The following WNK1 variants were observed in gnomAD, a reference collection of about 807,000 sequenced individuals.
WNK1 encodes serine/threonine-protein kinase WNK1.
In WNK1, 38 loss-of-function variants were observed where a neutral mutation model predicts 222.8. That is an observed-to-expected ratio of 0.17 (90% CI 0.13 to 0.22). WNK1 has a LOEUF of 0.22. Among genes scored for constraint, WNK1 ranks in the 10% least tolerant of loss-of-function variants. The pLI is 1.00. For synonymous variants in WNK1, 1,090 were observed against 1,092.9 expected, an observed-to-expected ratio of 1.00 and a Z score of 0.05; for missense variants, 2,348 against 2,918.4, an observed-to-expected ratio of 0.80 and a Z score of 4.50.
intron 8 of WNK1, chr12:868,826 G>T: frequency 6.2e-7 from 1 of 1,614,028 alleles, no homozygotes; most frequent in South Asian, 1.1e-5. Context: ...GACCGTTTCT[G>T]TGGTAGAGCC....
chr12:836,565 G>A (rs1378160761), intron 4 of WNK1, among the ~76,000 whole-genome samples: 2 of 152,128 alleles, frequency 1.3e-5, no homozygotes, highest in Non-Finnish European at 2.9e-5. Flanking sequence ...GCTCATATTT[G>A]CACAGAAGTT....
chr12:784,373 C>G (rs1043540812), intron 1 of WNK1, among the ~76,000 whole-genome samples: 3 of 152,102 alleles, frequency 2.0e-5, no homozygotes, highest in Non-Finnish European at 4.4e-5. Context: ...AACAGCCTTT[C>G]CCTACCATCT....
At chr12:823,784 T>C (rs1415000972) in intron 2 of WNK1, among the ~76,000 whole-genome samples, 1 of 152,192 alleles carries the variant, frequency 6.6e-6, no homozygotes, top group Admixed American at 6.5e-5. Context: ...AAGAACTGAT[T>C]AAGAGCTCTG....
At chr12:893,651 G>A (rs902413515) in intron 22 of WNK1, among the ~76,000 whole-genome samples, 4 of 151,350 alleles carry the variant, frequency 2.6e-5, no homozygotes, top group Admixed American at 6.6e-5. Flanking sequence ...GTGAAACCCC[G>A]TCTCTACTAA....
intron 15 of WNK1, 40 bp downstream of exon 15, chr12:883,099 T>G: frequency 7.3e-7 from 1 of 1,376,032 alleles, no homozygotes; most frequent in South Asian, 1.2e-5. Context: ...TCCTTAGTAC[T>G]TGATCTTAAT....
rs995060350 is a variant in WNK1, at chr12:761,630, G to A, written c.759+7306G>A. ...AAACAGTGAGAGATGAAATTAATTA[G>A]TGAATCAAATGATTAATGTGCACAT... On this transcript the variant is annotated intron_variant, in intron 1 of 27. Transcript: ENST00000315939. 2.0e-5 allele frequency among the ~76,000 whole-genome samples: 3 copies of A among 147,666 alleles called. 1 individual carries two copies. Among genetic ancestry groups the A allele is most frequent in the Admixed American group, 1.3e-4 (2 of 14,878 alleles).
chr12:844,388 G>A (rs560592855), intron 4 of WNK1, among the ~76,000 whole-genome samples: 6 of 152,156 alleles, frequency 3.9e-5, no homozygotes, highest in East Asian at 1.9e-4. Context: ...CACCAGCCCC[G>A]GCCTCCCAAA....
In WNK1 at chr12:908,861, G is replaced by GGGGGGGGGGGGGGGGGCA; in HGVS notation, c.*69_*70insGGGGGGGGGGGGGGGGCA. 6 of 491,842 alleles carry GGGGGGGGGGGGGGGGGCA rather than the reference G, an allele frequency of 1.2e-5. No individual in the cohort carries two copies. The highest frequency in any genetic ancestry group is 1.2e-5 in the Non-Finnish European group (3 of 241,770). 30.5% of individuals were successfully genotyped at this position (491,842 alleles called of 1,614,324 possible). On this transcript the variant is annotated 3_prime_UTR_variant, in exon 28 of 28. Transcript: ENST00000315939. ...ATGCTGAGGGGGTGGGTGGGGGTGG[G>GGGGGGGGGGGGGGGGGCA]AAGTAGCCTATATACTAACTACTAG...
intron 4 of WNK1, among the ~76,000 whole-genome samples, chr12:856,458 G>GA (rs34550768): frequency 5.8e-5 from 7 of 121,314 alleles, no homozygotes; most frequent in East Asian, 2.1e-4. Flanking sequence ...CATCTCGAGG[G>GA]AAAAAAAAAA....
At chr12:784,072 G>T (rs200185981) in intron 1 of WNK1, among the ~76,000 whole-genome samples, 46 of 105,536 alleles carry the variant, frequency 4.4e-4, no homozygotes, top group Middle Eastern at 8.9e-3. Context: ...AAAAAAAAAA[G>T]TATCCAGGCA....
chr12:764,931 C>T (rs1185458439), intron 1 of WNK1, among the ~76,000 whole-genome samples: 2 of 147,350 alleles, frequency 1.4e-5, no homozygotes, highest in Admixed American at 1.3e-4. Flanking sequence ...CTCTGCCTGC[C>T]AGGTTCAAGC....
chr12:763,027 T>C (rs1434253417), intron 1 of WNK1, among the ~76,000 whole-genome samples: 1 of 146,902 alleles, frequency 6.8e-6, no homozygotes, highest in African/African-American at 2.4e-5. Context: ...ATTACAGGTG[T>C]GAGCCACCAC....
chr12:791,700 A>G (rs1019422169), intron 1 of WNK1, among the ~76,000 whole-genome samples: 1 of 152,220 alleles, frequency 6.6e-6, no homozygotes, highest in Non-Finnish European at 1.5e-5. Flanking sequence ...TAAAATTGTC[A>G]TTTACAGCTT....
At position 865,266 on chromosome 12, in the gene WNK1, G is replaced by A. The variant is rs780003659; in HGVS notation, c.2139+2996G>A. ...GGACTGCCCCGAGGAAACTTTTGCC[G>A]AAAAGCTTTCTAAAGCATTGGAGAG... On this transcript the variant is annotated intron_variant, in intron 8 of 27. Coordinates refer to ENST00000315939, the MANE Select transcript of WNK1 (RefSeq NM_018979.4). The A allele has an allele frequency of 4.3e-5, 66 of 1,535,850 alleles. No homozygotes were observed. The highest frequency in any genetic ancestry group is 2.3e-4 in the African/African-American group (17 of 72,984).
chr12:845,762 A>C (rs1047188767), intron 4 of WNK1, among the ~76,000 whole-genome samples: 1 of 152,208 alleles, frequency 6.6e-6, no homozygotes, highest in Non-Finnish European at 1.5e-5. Context: ...TAGTGAAATA[A>C]GGTGTCTCTT....
intron 1 of WNK1, among the ~76,000 whole-genome samples, chr12:782,196 GA>G (rs1018375269): frequency 5.9e-5 from 9 of 152,166 alleles, no homozygotes; most frequent in African/African-American, 2.2e-4. Context: ...GAAAGTTTAT[GA>G]CCTAATTATC....
intron 2 of WNK1, among the ~76,000 whole-genome samples, chr12:819,284 A>G (rs76762744): frequency 6.6e-6 from 1 of 152,248 alleles, no homozygotes; most frequent in East Asian, 1.9e-4. Context: ...TTTCTCCTAT[A>G]GGTTGCCTTT....
At position 908,364 on chromosome 12, in the gene WNK1, A is replaced by G. The variant is rs1955878550; in HGVS notation, c.6832-111A>G. The G allele has an allele frequency of 2.5e-6, 3 of 1,182,092 alleles. No individual in the cohort carries two copies. In the Admixed American group the frequency reaches 5.5e-5, roughly 22 times the overall value. 73.2% of individuals were successfully genotyped at this position (1,182,092 alleles called of 1,614,324 possible). A position where few individuals can be genotyped will look rare whatever the true frequency, so the allele number is the denominator to read the frequency against. Reference sequence around the variant, plus strand: ...AATATAAAGAGCCAATAAATACTACAGAAGACTGTTCTGCTGTATCTTACA... The same window carrying G: ...AATATAAAGAGCCAATAAATACTACGGAAGACTGTTCTGCTGTATCTTACA... On this transcript the variant is annotated intron_variant, in intron 27 of 27. Transcript: ENST00000315939.
In WNK1 at chr12:897,671, C is replaced by T. The variant is rs1459432208; in HGVS notation, c.6438C>T (p.Pro2146=). ...SRSSSLGNKS[P]QLSGNLSGQS... is the part of the protein sequence containing the mutation. ...GCAGTTCCTTGGGGAATAAAAGCCC[C>T]CAGCTTTCAGGTAAAAAGCCCTGGA... Residue 2146 remains proline, a synonymous_variant, in exon 25 of 28, where the codon CCC becomes CCT. Coordinates refer to ENST00000315939, the MANE Select transcript of WNK1 (RefSeq NM_018979.4). The T allele has an allele frequency of 1.2e-6, 2 of 1,614,076 alleles. No homozygotes were observed. The highest frequency in any genetic ancestry group is 2.7e-5 in the African/African-American group (2 of 74,932).
Sources: allele counts gnomAD v4.1 joint callset (sites outside exome capture counted in the v4.1 genomes callset), GRCh38; gene constraint gnomAD v4.1.1; transcripts MANE v1.5; gene names NCBI Gene and HGNC (gene_info 2026-07-23, HGNC 2026-07-21).